Variants in AGBL4 observed in about 807,000 individuals in gnomAD.
AGBL4 encodes the protein AGBL carboxypeptidase 4.
AGBL4 carries 58 observed loss-of-function variants against 66.4 expected under a neutral mutation model. That is an observed-to-expected ratio of 0.87 (90% CI 0.71 to 1.09). The LOEUF (loss-of-function observed/expected upper bound fraction) is 1.09. AGBL4 is among the 50% of genes least tolerant of loss of function. The probability of loss-of-function intolerance (pLI) is 0.00; values close to 1 mark genes in which losing one functional copy is unlikely to be tolerated. For missense variants in AGBL4, 579 were observed against 631.0 expected (o/e 0.92, Z 0.88); for synonymous variants, 234 against 222.9 (o/e 1.05, Z -0.44).
intron 6 of AGBL4, among the ~76,000 whole-genome samples, chr1:48,734,623 G>A (rs1648723069): frequency 6.6e-6 from 1 of 152,172 alleles, no homozygotes; most frequent in African/African-American, 2.4e-5. Context: ...CCCGGAGCAT[G>A]CCAGCCTTCA....
chr1:48,795,934 G>A (rs987934733), intron 6 of AGBL4, among the ~76,000 whole-genome samples: 31 of 152,180 alleles, frequency 2.0e-4, no homozygotes, highest in African/African-American at 7.5e-4. Flanking sequence ...GATTACAGGC[G>A]TGAGCCACTG....
At chr1:48,655,705 A>G (rs756652062) in intron 7 of AGBL4, among the ~76,000 whole-genome samples, 12 of 152,206 alleles carry the variant, frequency 7.9e-5, no homozygotes, top group Non-Finnish European at 1.8e-4. Context: ...AAACAGGATT[A>G]GTTTTAGAAG....
intron 2 of AGBL4, among the ~76,000 whole-genome samples, chr1:49,733,286 G>C (rs1571429617): frequency 6.6e-6 from 1 of 152,136 alleles, no homozygotes; most frequent in Non-Finnish European, 1.5e-5. Context: ...TAATAAGAAA[G>C]TCTTTCAAGT....
In AGBL4 at chr1:48,899,194, A is replaced by T. The variant is rs541462914; in HGVS notation, c.595-31964T>A. On this transcript the variant is annotated intron_variant, in intron 5 of 13. Coordinates refer to ENST00000371839, the MANE Select transcript of AGBL4 (RefSeq NM_032785.4). ...TGACGCCTGGCGTGTAGCCGTGGGCAGGCGGCTCAGTGCCGCGGGGCGGGC... is the reference window on the plus strand; with the variant it reads ...TGACGCCTGGCGTGTAGCCGTGGGCTGGCGGCTCAGTGCCGCGGGGCGGGC... Among the ~76,000 whole-genome samples the T allele has an allele frequency of 8.9e-4, 135 of 152,322 alleles. 1 individual carries two copies. Among genetic ancestry groups the T allele is most frequent in the Non-Finnish European group, 1.5e-3 (104 of 68,020 alleles).
At chr1:48,683,544 G>A (rs961073484) in intron 6 of AGBL4, among the ~76,000 whole-genome samples, 4 of 151,714 alleles carry the variant, frequency 2.6e-5, no homozygotes, top group Non-Finnish European at 5.9e-5. Flanking sequence ...TATTTGGGAT[G>A]AGGCAAAACC....
intron 1 of AGBL4, among the ~76,000 whole-genome samples, chr1:49,884,692 T>G (rs1647821545): frequency 1.3e-5 from 2 of 151,882 alleles, no homozygotes; most frequent in African/African-American, 2.4e-5. Context: ...AAAATAATTG[T>G]GGCTTATCTT....
chr1:48,784,263 T>A (rs1645361033), intron 6 of AGBL4, among the ~76,000 whole-genome samples: 3 of 152,190 alleles, frequency 2.0e-5, no homozygotes, highest in Admixed American at 2.0e-4. Context: ...AAATAATTAT[T>A]ATAGTTATAA....
chr1:49,564,697 T>C (rs1190608960), intron 3 of AGBL4, among the ~76,000 whole-genome samples: 3 of 152,240 alleles, frequency 2.0e-5, no homozygotes, highest in African/African-American at 4.8e-5. Flanking sequence ...TCTATTCTTT[T>C]ACATTTGCTG....
chr1:49,635,125 A>G (rs1303517290), intron 3 of AGBL4, among the ~76,000 whole-genome samples: 1 of 152,178 alleles, frequency 6.6e-6, no homozygotes, highest in Non-Finnish European at 1.5e-5. Flanking sequence ...TTGAATGACA[A>G]AATGGAAAAC....
chr1:48,813,362 A>G (rs1234165978), intron 6 of AGBL4, among the ~76,000 whole-genome samples: 1 of 152,206 alleles, frequency 6.6e-6, no homozygotes, highest in Admixed American at 6.5e-5. Context: ...AAACAAAACA[A>G]AAAAACTTCA....
In AGBL4 at chr1:49,959,512, C is replaced by A. The variant is rs145061124; in HGVS notation, c.34+64251G>T. On this transcript the variant is annotated intron_variant, in intron 1 of 13. Transcript: ENST00000371839. ...CCAAGAATTGAAAATGTGCAACTAG[C>A]ACAATGCCTGGAACACAGTGGCTGT... Among the ~76,000 whole-genome samples, 90 of 152,138 alleles carry A rather than the reference C, an allele frequency of 5.9e-4. 1 individual carries two copies. Among genetic ancestry groups the A allele is most frequent in the African/African-American group, 2.0e-3 (81 of 41,506 alleles).
chr1:49,881,822 TC>T (rs1468106709), intron 1 of AGBL4, among the ~76,000 whole-genome samples: 1 of 151,740 alleles, frequency 6.6e-6, no homozygotes, highest in East Asian at 1.9e-4. Context: ...GAAAATTTTC[TC>T]CCATTTTGTG....
At chr1:48,667,094 C>T (rs892366126) in intron 6 of AGBL4, among the ~76,000 whole-genome samples, 1 of 151,946 alleles carries the variant, frequency 6.6e-6, no homozygotes, top group Non-Finnish European at 1.5e-5. Context: ...TTAAAATCAC[C>T]CTATATGGTT....
chr1:49,825,529 C>G (rs1241083140), intron 2 of AGBL4, among the ~76,000 whole-genome samples: 1 of 152,116 alleles, frequency 6.6e-6, no homozygotes, highest in Non-Finnish European at 1.5e-5. Flanking sequence ...GGCTGGGTCA[C>G]CGTGCCAAAA....
intron 1 of AGBL4, chr1:50,017,152 T>C (rs1662047969): frequency 6.6e-6 from 1 of 152,038 alleles, no homozygotes; most frequent in Non-Finnish European, 1.5e-5. Flanking sequence ...AGCAACCACA[T>C]CTATAATTCT....
intron 3 of AGBL4, among the ~76,000 whole-genome samples, chr1:49,458,801 G>A (rs896255364): frequency 1.3e-5 from 2 of 151,740 alleles, no homozygotes; most frequent in Non-Finnish European, 2.9e-5. Context: ...TGCTTTTTCT[G>A]TGTCTATTGA....
At position 48,766,171 on chromosome 1, in the gene AGBL4, T is replaced by C. The variant is rs555058506; in HGVS notation, c.634+101020A>G. On this transcript the variant is annotated intron_variant, in intron 6 of 13. Coordinates refer to ENST00000371839, the MANE Select transcript of AGBL4 (RefSeq NM_032785.4). Reference sequence around the variant, plus strand: ...ACCTCTATAAAGATCTTCATATAAATTATACCTCACAACAACCTTGCAAGT... The same window carrying C: ...ACCTCTATAAAGATCTTCATATAAACTATACCTCACAACAACCTTGCAAGT... 6.6e-4 allele frequency among the ~76,000 whole-genome samples: 101 copies of C among 152,322 alleles called. 2 individuals carry two copies. Among genetic ancestry groups the C allele is most frequent in the Admixed American group, 2.2e-3 (34 of 15,308 alleles).
chr1:49,854,762 TAGAC>T (rs776552816), intron 1 of AGBL4, among the ~76,000 whole-genome samples: 10 of 151,830 alleles, frequency 6.6e-5, no homozygotes, highest in Non-Finnish European at 1.2e-4. Flanking sequence ...TCCCCTAAAA[TAGAC>T]AGTATAGCAC....
chr1:48,963,805 G>A (rs1658201521), intron 5 of AGBL4, among the ~76,000 whole-genome samples: 1 of 152,120 alleles, frequency 6.6e-6, no homozygotes, highest in Non-Finnish European at 1.5e-5. Flanking sequence ...ACTTAGTAAT[G>A]ACTATTGTTG....
Sources: allele counts gnomAD v4.1 joint callset (sites outside exome capture counted in the v4.1 genomes callset), GRCh38; gene constraint gnomAD v4.1.1; transcripts MANE v1.5; gene names NCBI Gene and HGNC (gene_info 2026-07-23, HGNC 2026-07-21).